Variants in PTPRT observed in about 807,000 individuals in gnomAD.
PTPRT encodes the protein receptor-type tyrosine-protein phosphatase T.
Under a neutral mutation model 176.8 loss-of-function variants are expected in PTPRT, and 56 were observed. The ratio of observed to expected loss-of-function variants is 0.32; its 90% CI spans 0.26 to 0.40. The LOEUF (loss-of-function observed/expected upper bound fraction) is 0.40, where lower values mean the gene tolerates loss of function less well. PTPRT is among the 10% of genes least tolerant of loss of function. The pLI is 1.00. For synonymous variants in PTPRT, 783 were observed against 739.0 expected, an observed-to-expected ratio of 1.06 and a Z score of -0.96; for missense variants, 1,540 against 1,908.2, an observed-to-expected ratio of 0.81 and a Z score of 3.60.
At chr20:43,166,217 C>T (rs2014854645) in intron 1 of PTPRT, among the ~76,000 whole-genome samples, 1 of 151,906 alleles carries the variant, frequency 6.6e-6, no homozygotes, top group Non-Finnish European at 1.5e-5. Flanking sequence ...ATCCCAGCTA[C>T]TCGGGAGGCT....
intron 14 of PTPRT, among the ~76,000 whole-genome samples, chr20:42,245,482 C>G (rs1211412688): frequency 1.3e-5 from 2 of 152,168 alleles, no homozygotes; most frequent in Non-Finnish European, 2.9e-5. Context: ...TCTCCCTCCC[C>G]CCGTTACAAA....
At chr20:42,300,873 C>T (rs1403773538) in intron 12 of PTPRT, among the ~76,000 whole-genome samples, 1 of 150,950 alleles carries the variant, frequency 6.6e-6, no homozygotes, top group Non-Finnish European at 1.5e-5. Flanking sequence ...AAACCAAACA[C>T]CGCATATTCT....
rs375870722 is a variant in PTPRT at position 42,117,536 on chromosome 20, T to G, written c.2982+867A>C. The stretch of plus-strand genomic sequence containing the variant: ...GAGCAGGAGACCAAGATCTGAGCCC[T>G]GAAGAACATCAAGATTTAGAGGTCA... On this transcript the variant is annotated intron_variant, in intron 21 of 30. Coordinates refer to ENST00000373187, the MANE Select transcript of PTPRT (RefSeq NM_007050.6). Among the ~76,000 whole-genome samples the G allele has an allele frequency of 1.2e-4, 18 of 152,234 alleles. No homozygotes were observed. The South Asian group carries it at 2.7e-3, about 23-fold the overall frequency.
chr20:42,083,247 A>G (rs570573423), intron 29 of PTPRT, among the ~76,000 whole-genome samples: 1 of 152,138 alleles, frequency 6.6e-6, no homozygotes, highest in Admixed American at 6.5e-5. Flanking sequence ...GGAAGAGGTG[A>G]GTAGACACAG....
intron 6 of PTPRT, among the ~76,000 whole-genome samples, chr20:42,737,502 G>A (rs1439490301): frequency 1.3e-5 from 2 of 152,094 alleles, no homozygotes. Context: ...ATGGTGGTGG[G>A]AGTCTGTAAT....
chr20:42,495,371 C>A (rs1260242624), intron 7 of PTPRT, among the ~76,000 whole-genome samples: 1 of 152,172 alleles, frequency 6.6e-6, no homozygotes, highest in African/African-American at 2.4e-5. Context: ...ATTTGCAATT[C>A]ATATTTCCTA....
At chr20:42,117,329 A>C (rs1317301861) in intron 21 of PTPRT, among the ~76,000 whole-genome samples, 1 of 152,198 alleles carries the variant, frequency 6.6e-6, no homozygotes, top group Non-Finnish European at 1.5e-5. Context: ...CATTTTAGTT[A>C]GTTCATATGA....
At chr20:42,541,624 G>A (rs1181346299) in intron 7 of PTPRT, among the ~76,000 whole-genome samples, 2 of 150,516 alleles carry the variant, frequency 1.3e-5, no homozygotes, top group Non-Finnish European at 3.0e-5. Flanking sequence ...AAAAAATGCA[G>A]CTGGAACTAT....
intron 17 of PTPRT, among the ~76,000 whole-genome samples, chr20:42,154,133 G>T (rs774249814): frequency 6.6e-6 from 1 of 152,172 alleles, no homozygotes; most frequent in Admixed American, 6.5e-5. Flanking sequence ...TGATTTGGGC[G>T]TGGGCCAGTA....
chr20:42,149,263 G>A (rs1218399256), intron 17 of PTPRT, among the ~76,000 whole-genome samples: 1 of 152,166 alleles, frequency 6.6e-6, no homozygotes, highest in Non-Finnish European at 1.5e-5. Context: ...TTGTGTTCTA[G>A]AGCCTCTAGA....
intron 2 of PTPRT, among the ~76,000 whole-genome samples, chr20:42,797,483 C>T (rs974920803): frequency 6.6e-6 from 1 of 152,088 alleles, no homozygotes; most frequent in South Asian, 2.1e-4. Flanking sequence ...ATATGTGGAG[C>T]CTTACACATC....
chr20:42,974,326 C>T (rs1198410572), intron 1 of PTPRT, among the ~76,000 whole-genome samples: 3 of 152,136 alleles, frequency 2.0e-5, no homozygotes, highest in African/African-American at 4.8e-5. Flanking sequence ...CACATCACCC[C>T]CAAATTTTTA....
At chr20:43,068,441 G>C (rs1213332838) in intron 1 of PTPRT, among the ~76,000 whole-genome samples, 1 of 150,496 alleles carries the variant, frequency 6.6e-6, no homozygotes, top group Non-Finnish European at 1.5e-5. Flanking sequence ...GGGAGGCGGA[G>C]GTTGCAGTAG....
chr20:42,219,179 C>T (rs2055831123), intron 15 of PTPRT, among the ~76,000 whole-genome samples: 1 of 152,124 alleles, frequency 6.6e-6, no homozygotes, highest in African/African-American at 2.4e-5. Flanking sequence ...CCTGCACCAG[C>T]CTCCTAAAGA....
At chr20:42,713,819 C>A (rs1322600910) in intron 6 of PTPRT, among the ~76,000 whole-genome samples, 1 of 152,106 alleles carries the variant, frequency 6.6e-6, no homozygotes, top group Non-Finnish European at 1.5e-5. Context: ...AAGTGCATAG[C>A]ACCTCCCCCT....
intron 1 of PTPRT, among the ~76,000 whole-genome samples, chr20:43,091,420 GTC>G (rs143966073): frequency 5.7e-4 from 84 of 146,876 alleles, no homozygotes; most frequent in East Asian, 8.0e-4. Context: ...GCTTTCTAGA[GTC>G]TCTCTCTCTC....
intron 7 of PTPRT, among the ~76,000 whole-genome samples, chr20:42,669,056 T>C (rs950470900): frequency 7.9e-5 from 12 of 151,914 alleles, no homozygotes; most frequent in Non-Finnish European, 1.5e-5. Flanking sequence ...TAACCGAGTA[T>C]GATCAGAGCA....
chr20:43,119,301 G>A (rs2013171450), intron 1 of PTPRT, among the ~76,000 whole-genome samples: 1 of 152,044 alleles, frequency 6.6e-6, no homozygotes. Flanking sequence ...TTTATTCTTT[G>A]AACTCTTGGT....
chr20:42,874,152 C>G (rs949481294), intron 2 of PTPRT, among the ~76,000 whole-genome samples: 1 of 152,246 alleles, frequency 6.6e-6, no homozygotes, highest in South Asian at 2.1e-4. Context: ...TTCTCAGCAA[C>G]GTCTTCCTCT....
Sources: gnomAD v4.1 joint callset for allele counts (sites outside exome capture counted in the v4.1 genomes callset) on GRCh38, gnomAD v4.1.1 for gene constraint, MANE v1.5 for transcripts, NCBI Gene and HGNC (gene_info 2026-07-23, HGNC 2026-07-21) for gene names.